The following DYNC2H1 variants were observed in gnomAD, a reference collection of about 807,000 sequenced individuals.
DYNC2H1 encodes the protein cytoplasmic dynein 2 heavy chain 1.
A neutral mutation model predicts 570.0 loss-of-function variants in DYNC2H1; 410 were observed. The ratio of observed to expected loss-of-function variants is 0.72; its 90% CI spans 0.66 to 0.78. The LOEUF (loss-of-function observed/expected upper bound fraction) is 0.78. Among genes scored for constraint, DYNC2H1 ranks in the 30% least tolerant of loss-of-function variants. DYNC2H1 has a pLI of 0.00. For missense variants in DYNC2H1, 4,865 were observed against 5,046.4 expected, an observed-to-expected ratio of 0.96 and a Z score of 1.09; for synonymous variants, 1,688 against 1,677.6, an observed-to-expected ratio of 1.01 and a Z score of -0.15.
At chr11:103,341,878 A>T (rs1017960767) in intron 82 of DYNC2H1, among the ~76,000 whole-genome samples, 1 of 152,192 alleles carries the variant, frequency 6.6e-6, no homozygotes, top group African/African-American at 2.4e-5. Context: ...AGGTTTCTTC[A>T]ATTATTTCAG....
Position 103,268,491 on chromosome 11 carries a change from ATG to A in DYNC2H1, c.10695+8515_10695+8516del, listed in dbSNP as rs1865588760. 6.6e-6 allele frequency among the ~76,000 whole-genome samples: 1 copy of A among 151,910 alleles called. No homozygotes were observed. The highest frequency in any genetic ancestry group is 1.5e-5 in the Non-Finnish European group (1 of 67,858). On this transcript the variant is annotated intron_variant, in intron 70 of 88. Coordinates refer to ENST00000375735, the MANE Select transcript of DYNC2H1 (RefSeq NM_001377.3). The surrounding 1 kb of genome is among the most constrained non-coding windows in gnomAD (Gnocchi z 4.6). ...TATACTTCTAGGTTGTTAGATTTGT[ATG>A]AGTAGTTTTTTTAAATGTAGTTTTA...
In DYNC2H1 at chr11:103,395,812, T is replaced by C. The variant is rs1942376173; in HGVS notation, c.12157-3851T>C. ...TTGAATCAACTCTTCCAGAACTCTG[T>C]GGACTAAGACTTGGGAAAGGCTTCT... is the stretch of plus-strand genomic sequence containing the variant. On this transcript the variant is annotated intron_variant, in intron 83 of 88. Coordinates refer to ENST00000375735, the MANE Select transcript of DYNC2H1 (RefSeq NM_001377.3). The surrounding 1 kb of genome is among the most constrained non-coding windows in gnomAD (Gnocchi z 4.3). 6.6e-6 allele frequency among the ~76,000 whole-genome samples: 1 copy of C among 152,128 alleles called. No homozygotes were observed. The highest frequency in any genetic ancestry group is 2.1e-4 in the South Asian group (1 of 4,824).
chr11:103,412,431 CAT>C (rs935446490), intron 84 of DYNC2H1, among the ~76,000 whole-genome samples: 58 of 152,210 alleles, frequency 3.8e-4, no homozygotes, highest in African/African-American at 1.3e-3. Context: ...GACTTTAAAA[CAT>C]AATTTAAAAT....
rs183202980 is a variant in DYNC2H1 at position 103,305,845 on chromosome 11, A to G, written c.11382+1125A>G. On this transcript the variant is annotated intron_variant, in intron 77 of 88. Coordinates refer to ENST00000375735, the MANE Select transcript of DYNC2H1 (RefSeq NM_001377.3). The surrounding 1 kb of genome is among the most constrained non-coding windows in gnomAD (Gnocchi z 4.3). ...CTATGAATATTCATGTAATTCTATT[A>G]TGGCTTTCTGTAAAAATTACTAATG... is the stretch of plus-strand genomic sequence containing the variant. Among the ~76,000 whole-genome samples the G allele has an allele frequency of 8.1e-4, 124 of 152,322 alleles. No individual in the cohort carries two copies. Among genetic ancestry groups the G allele is most frequent in the Non-Finnish European group, 1.5e-3 (104 of 68,026 alleles).
At chr11:103,402,393 G>C (rs968616776) in intron 84 of DYNC2H1, 5 of 152,122 alleles carry the variant, frequency 3.3e-5, no homozygotes, top group African/African-American at 9.7e-5. Context: ...CTTGAAATGT[G>C]CTTTCTTGGA....
At position 103,465,456 on chromosome 11, in the gene DYNC2H1, G is replaced by GTT. The variant is rs113580244; in HGVS notation, c.12649-3123_12649-3122dup. Among the ~76,000 whole-genome samples the GTT allele has an allele frequency of 2.0e-4, 30 of 146,408 alleles. No homozygotes were observed. Among genetic ancestry groups the GTT allele is most frequent in the Admixed American group, 6.1e-4 (9 of 14,730 alleles). ...CAACCAGTATCCCAAAGTGTGTTTT[G>GTT]TTTTTTTTTTTAATCTGTGGCACAT... On this transcript the variant is annotated intron_variant, in intron 87 of 88. Transcript: ENST00000375735. The surrounding 1 kb of genome is among the most constrained non-coding windows in gnomAD (Gnocchi z 4.9).
intron 85 of DYNC2H1, among the ~76,000 whole-genome samples, chr11:103,453,629 TATA>T (rs1414035744): frequency 9.4e-6 from 1 of 106,156 alleles, no homozygotes; most frequent in Admixed American, 1.2e-4. Flanking sequence ...TATATATATA[TATA>T]TATATATATA....
intron 38 of DYNC2H1, among the ~76,000 whole-genome samples, chr11:103,178,459 C>A (rs1443760323): frequency 6.6e-6 from 1 of 152,040 alleles, no homozygotes; most frequent in African/African-American, 2.4e-5. Context: ...TCATGTATTT[C>A]TAACACTTTT....
intron 83 of DYNC2H1, among the ~76,000 whole-genome samples, chr11:103,379,118 G>T (rs1332947294): frequency 1.3e-5 from 2 of 152,192 alleles, no homozygotes; most frequent in East Asian, 3.8e-4. Flanking sequence ...TAGTGACACA[G>T]TGGATAATGA....
chr11:103,301,916 C>T (rs1306096683), intron 75 of DYNC2H1, among the ~76,000 whole-genome samples: 2 of 151,918 alleles, frequency 1.3e-5, no homozygotes, highest in Admixed American at 1.3e-4. Context: ...TGTACTCATT[C>T]AGTTACATTC....
intron 85 of DYNC2H1, among the ~76,000 whole-genome samples, chr11:103,438,950 C>T (rs1231844903): frequency 1.3e-5 from 2 of 151,996 alleles, no homozygotes; most frequent in African/African-American, 4.8e-5. Flanking sequence ...TCAAGTCCAG[C>T]CTGGGCAACA....
chr11:103,127,249 G>A (rs1859049777), intron 12 of DYNC2H1, among the ~76,000 whole-genome samples: 1 of 152,114 alleles, frequency 6.6e-6, no homozygotes, highest in Non-Finnish European at 1.5e-5. Context: ...CACAATAGGA[G>A]CTCAAAAAAT....
intron 70 of DYNC2H1, among the ~76,000 whole-genome samples, chr11:103,278,305 T>C (rs1366417460): frequency 6.6e-6 from 1 of 152,198 alleles, no homozygotes; most frequent in Non-Finnish European, 1.5e-5. Context: ...TTAGTACTAA[T>C]AAAATGATAA....
At chr11:103,475,868 TCTC>T (rs1301703085) in intron 88 of DYNC2H1, among the ~76,000 whole-genome samples, 1 of 152,104 alleles carries the variant, frequency 6.6e-6, no homozygotes, top group East Asian at 1.9e-4. Flanking sequence ...ATAGAGAAAA[TCTC>T]CTGACTAGAA....
rs1467494730 is a variant in DYNC2H1 at position 103,282,658 on chromosome 11, C to G, written c.10813-350C>G. On this transcript the variant is annotated intron_variant, in intron 72 of 88. Coordinates refer to ENST00000375735, the MANE Select transcript of DYNC2H1 (RefSeq NM_001377.3). ...TGAATACATAATGAATAATAGTCTT[C>G]CAGCAGTACACCCAAAATATAACAC... Among the ~76,000 whole-genome samples, 7 of 151,866 alleles carry G rather than the reference C, an allele frequency of 4.6e-5. 1 individual carries two copies. The South Asian group carries it at 1.4e-3, about 31-fold the overall frequency.
At position 103,170,655 on chromosome 11, in the gene DYNC2H1, T is replaced by C. The variant is rs972019435; in HGVS notation, c.5152-231T>C. ...CTTAAAGAGTAACTAACACAAATCTTGTATTTTTTCTGCAAGCTTTTTAGA... is the reference window on the plus strand; with the variant it reads ...CTTAAAGAGTAACTAACACAAATCTCGTATTTTTTCTGCAAGCTTTTTAGA... On this transcript the variant is annotated intron_variant, in intron 33 of 88. Transcript: ENST00000375735. The surrounding 1 kb of genome is among the most constrained non-coding windows in gnomAD (Gnocchi z 4.8). Among the ~76,000 whole-genome samples, 1 of 152,182 alleles carries C rather than the reference T, an allele frequency of 6.6e-6. No homozygotes were observed. Among genetic ancestry groups the C allele is most frequent in the Non-Finnish European group, 1.5e-5 (1 of 68,038 alleles).
At chr11:103,320,030 A>G (rs1216022237) in intron 80 of DYNC2H1, among the ~76,000 whole-genome samples, 2 of 152,184 alleles carry the variant, frequency 1.3e-5, no homozygotes, top group African/African-American at 2.4e-5. Context: ...TTTTATAGTA[A>G]TGAAATGGAA....
In DYNC2H1 at chr11:103,309,168, A is replaced by ATTTTTTTTTTTTTTTTTT. The variant is rs386374721; in HGVS notation, c.11493+1344_11493+1361dup. Among the ~76,000 whole-genome samples the ATTTTTTTTTTTTTTTTTT allele has an allele frequency of 1.8e-3, 100 of 54,638 alleles. 18 individuals carry two copies. Among genetic ancestry groups the ATTTTTTTTTTTTTTTTTT allele is most frequent in the Non-Finnish European group, 2.4e-3 (71 of 29,366 alleles). 35.8% of individuals were successfully genotyped at this position (54,638 alleles called of 152,430 possible). ...TTATTAGTGTTTGTAACTGCATGCT[A>ATTTTTTTTTTTTTTTTTT]TTTTTTTTTTTTTTTTTTTTTTTTG... On this transcript the variant is annotated intron_variant, in intron 78 of 88. Transcript: ENST00000375735.
chr11:103,468,854 T>C (rs1176014737), intron 88 of DYNC2H1, 149 bp downstream of exon 88: 2 of 586,906 alleles, frequency 3.4e-6, no homozygotes, highest in Non-Finnish European at 5.9e-6. Flanking sequence ...AAGTACTTTA[T>C]CCTTTATCAT....
Sources: gnomAD v4.1 joint callset for allele counts (sites outside exome capture counted in the v4.1 genomes callset) on GRCh38, gnomAD v4.1.1 for gene constraint, Gnocchi (gnomAD v3.1) non-coding constraint, MANE v1.5 for transcripts, NCBI Gene and HGNC (gene_info 2026-07-23, HGNC 2026-07-21) for gene names.